The following NRG3 variants were observed in gnomAD, a reference collection of about 807,000 sequenced individuals.
NRG3 encodes neuregulin 3, also known as pro-neuregulin-3, membrane-bound isoform.
NRG3 carries 31 observed loss-of-function variants against 66.9 expected under a neutral mutation model. That is an observed-to-expected ratio of 0.46 (90% CI 0.35 to 0.63). The LOEUF (loss-of-function observed/expected upper bound fraction) is 0.63. Ranked by LOEUF, NRG3 falls within the 20% of genes least tolerant of loss-of-function variation. The probability of loss-of-function intolerance (pLI) is 0.00; values close to 1 mark genes in which losing one functional copy is unlikely to be tolerated. For synonymous variants in NRG3, 393 were observed against 359.4 expected (o/e 1.09, Z -1.06); for missense variants, 910 against 878.9 (o/e 1.04, Z -0.45).
chr10:82,455,101 T>C (rs1229966054), intron 2 of NRG3, among the ~76,000 whole-genome samples: 1 of 152,164 alleles, frequency 6.6e-6, no homozygotes, highest in Non-Finnish European at 1.5e-5. Flanking sequence ...CGTGGCTCCC[T>C]CGAGTAAGAA....
intron 2 of NRG3, among the ~76,000 whole-genome samples, chr10:82,685,586 T>TA (rs1328016739): frequency 3.5e-4 from 54 of 152,250 alleles, no homozygotes; most frequent in African/African-American, 1.3e-3. Flanking sequence ...ACTACGTTTG[T>TA]AAAAAAATAT....
intron 1 of NRG3, among the ~76,000 whole-genome samples, chr10:82,167,637 T>A (rs977302413): frequency 6.6e-6 from 1 of 152,152 alleles, no homozygotes; most frequent in South Asian, 2.1e-4. Flanking sequence ...CTAGCACACA[T>A]GGGCTCAGCC....
At chr10:82,876,178 C>T (rs551915600) in intron 4 of NRG3, among the ~76,000 whole-genome samples, 4 of 152,250 alleles carry the variant, frequency 2.6e-5, no homozygotes, top group Admixed American at 2.6e-4. Flanking sequence ...TAACATAAGA[C>T]CAATACATCT....
chr10:82,610,182 C>T (rs2048221396), intron 2 of NRG3, among the ~76,000 whole-genome samples: 1 of 152,194 alleles, frequency 6.6e-6, no homozygotes, highest in Admixed American at 6.5e-5. Context: ...TCAAACCCTC[C>T]TCACGCTTCA....
At chr10:82,512,443 G>T (rs1022594233) in intron 2 of NRG3, among the ~76,000 whole-genome samples, 1 of 151,870 alleles carries the variant, frequency 6.6e-6, no homozygotes, top group Admixed American at 6.6e-5. Context: ...ATGCCACCAC[G>T]CTTGGCTAAT....
At chr10:82,644,813 T>G (rs1167283365) in intron 2 of NRG3, among the ~76,000 whole-genome samples, 1 of 152,136 alleles carries the variant, frequency 6.6e-6, no homozygotes, top group Admixed American at 6.6e-5. Context: ...CAGAAAAGTA[T>G]GCTAAGACAT....
intron 1 of NRG3, among the ~76,000 whole-genome samples, chr10:82,142,442 G>C (rs748479793): frequency 7.9e-5 from 12 of 152,246 alleles, no homozygotes; most frequent in Non-Finnish European, 1.6e-4. Flanking sequence ...GAAACCCAGA[G>C]AGGGGATAAG....
At chr10:82,270,298 T>A (rs534862240) in intron 1 of NRG3, among the ~76,000 whole-genome samples, 1 of 152,274 alleles carries the variant, frequency 6.6e-6, no homozygotes, top group South Asian at 2.1e-4. Flanking sequence ...TCACTCTCTA[T>A]CCCTGCTTCC....
intron 1 of NRG3, among the ~76,000 whole-genome samples, chr10:81,971,177 C>T (rs562754281): frequency 6.6e-6 from 1 of 152,292 alleles, no homozygotes; most frequent in South Asian, 2.1e-4. Flanking sequence ...AGTATTGTGC[C>T]TATGCAAGTG....
rs1174610291 is a variant in NRG3, at chr10:81,875,453, C to G, written c.113C>G (p.Pro38Arg). The change falls in exon 1 of 9, where the codon CCG (proline) becomes CGG (arginine). Residue 38 changes from proline to arginine, a missense_variant. Transcript: ENST00000372141. The surrounding 1 kb of genome is among the most constrained non-coding windows in gnomAD (Gnocchi z 5.3). ...AAAAAAAGGG[P>R]DGGGEGAAEP... ...GCGGCGGCAGCGGCGGGCGGGGGCC[C>G]GGACGGCGGCGGCGAAGGGGCGGCC... 2 of 1,226,132 alleles carry G rather than the reference C, an allele frequency of 1.6e-6. No individual in the cohort carries two copies. The highest frequency in any genetic ancestry group is 2.0e-6 in the Non-Finnish European group (2 of 983,848). The allele number at this position is 1,226,132 out of a possible 1,614,324, so 76.0% of individuals were successfully genotyped here. A position where few individuals can be genotyped will look rare whatever the true frequency, so the allele number is the denominator to read the frequency against.
chr10:82,058,416 C>T (rs1228345761), intron 1 of NRG3, among the ~76,000 whole-genome samples: 1 of 151,842 alleles, frequency 6.6e-6, no homozygotes, highest in Non-Finnish European at 1.5e-5. Flanking sequence ...ATTTTTTAAT[C>T]TGATATTTCT....
chr10:82,341,982 G>C (rs1177320347), intron 1 of NRG3, among the ~76,000 whole-genome samples: 1 of 151,880 alleles, frequency 6.6e-6, no homozygotes, highest in Non-Finnish European at 1.5e-5. Context: ...ACTAAGCCTT[G>C]AGAGTCCTAG....
At chr10:82,255,208 A>G (rs890425139) in intron 1 of NRG3, among the ~76,000 whole-genome samples, 1 of 152,194 alleles carries the variant, frequency 6.6e-6, no homozygotes, top group Non-Finnish European at 1.5e-5. Context: ...AATTCGAATC[A>G]TGGGCCATCC....
intron 3 of NRG3, among the ~76,000 whole-genome samples, chr10:82,783,274 G>A (rs1372714740): frequency 6.6e-6 from 1 of 150,882 alleles, no homozygotes; most frequent in Non-Finnish European, 1.5e-5. Context: ...AAAACTGGAA[G>A]CATTCCCTTT....
chr10:82,305,573 T>G (rs1431784504), intron 1 of NRG3, among the ~76,000 whole-genome samples: 2 of 152,138 alleles, frequency 1.3e-5, no homozygotes, highest in African/African-American at 2.4e-5. Flanking sequence ...TGGTTTCAAT[T>G]AATAGCTTTT....
chr10:82,799,420 G>A (rs2060937497), intron 3 of NRG3, among the ~76,000 whole-genome samples: 1 of 151,760 alleles, frequency 6.6e-6, no homozygotes. Context: ...CAGCTACTCA[G>A]GAGGCTGAGG....
intron 1 of NRG3, among the ~76,000 whole-genome samples, chr10:82,078,603 G>A (rs1349700025): frequency 6.6e-6 from 1 of 152,164 alleles, no homozygotes; most frequent in Non-Finnish European, 1.5e-5. Flanking sequence ...GACCGCCTTG[G>A]CCTCCCAAAG....
chr10:82,162,278 G>A (rs2071658204), intron 1 of NRG3, among the ~76,000 whole-genome samples: 1 of 152,086 alleles, frequency 6.6e-6, no homozygotes, highest in South Asian at 2.1e-4. Flanking sequence ...CTCCATTCTT[G>A]TGAGCTTAAA....
chr10:82,448,321 A>G (rs968240124), intron 2 of NRG3, among the ~76,000 whole-genome samples: 3 of 152,240 alleles, frequency 2.0e-5, no homozygotes, highest in Non-Finnish European at 4.4e-5. Flanking sequence ...TTTAACAAGG[A>G]AGAAAACACT....
Sources: gnomAD v4.1 joint callset for allele counts (sites outside exome capture counted in the v4.1 genomes callset) on GRCh38, gnomAD v4.1.1 for gene constraint, Gnocchi (gnomAD v3.1) non-coding constraint, MANE v1.5 for transcripts, NCBI Gene and HGNC (gene_info 2026-07-23, HGNC 2026-07-21) for gene names.